Variants in EXD2 observed in about 807,000 individuals in gnomAD.
The protein encoded by EXD2 is exonuclease 3'-5' domain-containing protein 2.
In EXD2, 40 loss-of-function variants were observed where a neutral mutation model predicts 62.5. The ratio of observed to expected loss-of-function variants is 0.64; its 90% CI spans 0.50 to 0.83. The LOEUF is 0.83. Among genes scored for constraint, EXD2 ranks in the 40% least tolerant of loss-of-function variants. The probability of loss-of-function intolerance (pLI) is 0.00; values close to 1 mark genes in which losing one functional copy is unlikely to be tolerated. For missense variants in EXD2, 671 were observed against 761.8 expected, an observed-to-expected ratio of 0.88 and a Z score of 1.40; for synonymous variants, 239 against 291.9, an observed-to-expected ratio of 0.82 and a Z score of 1.85.
intron 3 of EXD2, among the ~76,000 whole-genome samples, chr14:69,213,327 A>G (rs1448293158): frequency 1.4e-5 from 2 of 147,830 alleles, no homozygotes; most frequent in African/African-American, 5.0e-5. Flanking sequence ...TTGGCCTCCC[A>G]AAATGTGCTG....
intron 8 of EXD2, among the ~76,000 whole-genome samples, chr14:69,237,316 C>T (rs1184254156): frequency 6.6e-6 from 1 of 152,204 alleles, no homozygotes; most frequent in African/African-American, 2.4e-5. Context: ...TTGTTATTAA[C>T]CTGTCACTAT....
intron 3 of EXD2, among the ~76,000 whole-genome samples, chr14:69,213,483 G>T (rs2042885605): frequency 7.0e-6 from 1 of 142,748 alleles, no homozygotes; most frequent in African/African-American, 2.6e-5. Context: ...TGATCCTCCT[G>T]CCTCAGCCTC....
intron 1 of EXD2, among the ~76,000 whole-genome samples, chr14:69,192,506 A>G (rs146668432): frequency 5.9e-5 from 1 of 17,050 alleles, no homozygotes; most frequent in Non-Finnish European, 9.9e-5. Context: ...TTAAACACAG[A>G]TCTTTCTTAG....
At chr14:69,234,358 C>T (rs2140028500) in intron 5 of EXD2, among the ~76,000 whole-genome samples, 1 of 152,256 alleles carries the variant, frequency 6.6e-6, no homozygotes, top group South Asian at 2.1e-4. Flanking sequence ...GTTAACTACC[C>T]TTCCCCCAAA....
chr14:69,197,010 A>G (rs1430733015), intron 1 of EXD2, among the ~76,000 whole-genome samples: 1 of 152,180 alleles, frequency 6.6e-6, no homozygotes, highest in Non-Finnish European at 1.5e-5. Flanking sequence ...AGCTCATGAT[A>G]TTGAACATCT....
chr14:69,235,549 G>A (rs376780217), intron 6 of EXD2: 3 of 209,276 alleles, frequency 1.4e-5, no homozygotes, highest in African/African-American at 7.1e-5. Context: ...GTAGGAAGAT[G>A]ACTAATAAGT....
chr14:69,197,561 G>T (rs1439534555), intron 1 of EXD2, among the ~76,000 whole-genome samples: 6 of 152,052 alleles, frequency 3.9e-5, no homozygotes, highest in Non-Finnish European at 8.8e-5. Flanking sequence ...TCGTTTTTCA[G>T]CCTGCGGCCC....
chr14:69,228,185 C>CTT (rs35695329), intron 3 of EXD2, among the ~76,000 whole-genome samples: 215 of 80,472 alleles, frequency 2.7e-3, no homozygotes, highest in Middle Eastern at 7.2e-3. Context: ...TTTCCTTAGC[C>CTT]TTTTTTTTTT....
At chr14:69,222,812 A>G (rs2043231433) in intron 3 of EXD2, among the ~76,000 whole-genome samples, 1 of 152,142 alleles carries the variant, frequency 6.6e-6, no homozygotes, top group Non-Finnish European at 1.5e-5. Flanking sequence ...TTGTAGTTTT[A>G]CTAGCAACAT....
intron 6 of EXD2, 36 bp downstream of exon 6, chr14:69,235,067 T>C: frequency 4.0e-6 from 6 of 1,516,462 alleles, no homozygotes; most frequent in Non-Finnish European, 5.3e-6. Context: ...AAAGAGTCAG[T>C]GGCCCAGCCT....
intron 3 of EXD2, among the ~76,000 whole-genome samples, chr14:69,213,536 A>AGTTTTTT (rs1566824755): frequency 1.2e-3 from 41 of 33,934 alleles, no homozygotes; most frequent in East Asian, 5.8e-3. Flanking sequence ...GCACCTGGAT[A>AGTTTTTT]ATTTTTTTTT....
intron 2 of EXD2, among the ~76,000 whole-genome samples, chr14:69,206,043 G>A (rs968779366): frequency 4.6e-5 from 7 of 152,004 alleles, no homozygotes; most frequent in South Asian, 2.1e-4. Flanking sequence ...CTCAGCCTCT[G>A]GAGTAGCTGG....
In EXD2 at chr14:69,234,982, G is replaced by C; in HGVS notation, c.1000G>C (p.Asp334His). The change falls in exon 6 of 10, where the codon GAC becomes CAC. Residue 334 changes from aspartate to histidine, a missense_variant. Asp to His is a moderately conservative substitution (Grantham distance 81). Transcript: ENST00000685843. ...GGTGCCAGGCAACCACCAAGGGAGA[G>C]ACCCCAGAAAACATAAAAGAAAGCC... ...GMVPGNHQGR[D>H]PRKHKRKPLG... 6.2e-7 allele frequency: 1 copy of C among 1,611,094 alleles called. No individual in the cohort carries two copies.
intron 1 of EXD2, among the ~76,000 whole-genome samples, chr14:69,195,041 A>T (rs945452010): frequency 3.9e-5 from 6 of 152,092 alleles, no homozygotes; most frequent in African/African-American, 1.4e-4. Context: ...ACATGGTGAA[A>T]CCCAGTCTCT....
In EXD2 at chr14:69,236,561, C is replaced by T. The variant is rs199623062; in HGVS notation, c.1292+19C>T. ...ACATTCGGTGAGTGCAGCATTGGGC[C>T]ACCCTGGTTGTCTGTGGCAGATGGA... On this transcript the variant is annotated intron_variant, in intron 8 of 9. Transcript: ENST00000685843. 1.3e-4 allele frequency: 202 copies of T among 1,613,978 alleles called. No individual in the cohort carries two copies. The African/African-American group carries it at 2.4e-3, about 19-fold the overall frequency.
intron 5 of EXD2, among the ~76,000 whole-genome samples, chr14:69,231,903 G>A (rs745470248): frequency 8.8e-5 from 10 of 113,182 alleles, no homozygotes; most frequent in Admixed American, 3.0e-4. Flanking sequence ...AAGGGAGCAT[G>A]AGCAGTAAAA....
At position 69,240,894 on chromosome 14, in the gene EXD2, G is replaced by A; in HGVS notation, c.1660G>A (p.Glu554Lys). ...AASLETRISN[E>K]NYVPHGLKVV... ...TTCATGTTTTGGCAGAATCTCCAATGAAAACTATGTTCCTCACGGGCTGAA... is the reference window on the plus strand; with the variant it reads ...TTCATGTTTTGGCAGAATCTCCAATAAAAACTATGTTCCTCACGGGCTGAA... Residue 554 changes from glutamate to lysine, a missense_variant, in exon 10 of 10, where the codon GAA (glutamate) becomes AAA (lysine). By Grantham distance (56) the Glu-to-Lys change is moderately conservative. Transcript: ENST00000685843. 6.2e-7 allele frequency: 1 copy of A among 1,612,040 alleles called. No individual in the cohort carries two copies. Among genetic ancestry groups the A allele is most frequent in the Non-Finnish European group, 8.5e-7 (1 of 1,178,578 alleles).
At chr14:69,231,253 CCTT>C (rs1208203590) in intron 5 of EXD2, among the ~76,000 whole-genome samples, 6 of 152,188 alleles carry the variant, frequency 3.9e-5, no homozygotes, top group South Asian at 2.1e-4. Flanking sequence ...AATCCTTCTT[CCTT>C]CTTCTCCTCA....
chr14:69,224,968 C>T (rs1369560686), intron 3 of EXD2, among the ~76,000 whole-genome samples: 2 of 151,930 alleles, frequency 1.3e-5, no homozygotes, highest in Admixed American at 6.6e-5. Flanking sequence ...ACAGAGACTC[C>T]GTCTCAAAAA....
Sources: gnomAD v4.1 joint callset for allele counts (sites outside exome capture counted in the v4.1 genomes callset) on GRCh38, gnomAD v4.1.1 for gene constraint, MANE v1.5 for transcripts, NCBI Gene and HGNC (gene_info 2026-07-23, HGNC 2026-07-21) for gene names.